Variants in RAD54B observed in about 807,000 individuals in gnomAD.
RAD54B encodes the protein RAD54 homolog B.
In RAD54B, 78 loss-of-function variants were observed where a neutral mutation model predicts 95.8. The observed-to-expected ratio is 0.81, with a 90% confidence interval of 0.68 to 0.98. RAD54B has a LOEUF of 0.98. Ranked by LOEUF, RAD54B falls within the 50% of genes least tolerant of loss-of-function variation. The pLI, the probability that RAD54B is intolerant of heterozygous loss-of-function variation, is 0.00. For synonymous variants in RAD54B, 328 were observed against 354.9 expected, an observed-to-expected ratio of 0.92 and a Z score of 0.85; for missense variants, 957 against 1,056.6, an observed-to-expected ratio of 0.91 and a Z score of 1.31.
At chr8:94,422,607 AAAAAAAAAAAATATATATATATAT>A (rs1217218812) in intron 3 of RAD54B, among the ~76,000 whole-genome samples, 8 of 98,334 alleles carry the variant, frequency 8.1e-5, no homozygotes, top group African/African-American at 4.4e-4. Context: ...AAAAAAAAAA[AAAAAAAAAAAATATATATATATAT>A]ATATATATAT....
At chr8:94,385,908 A>AT (rs1191499404) in intron 11 of RAD54B, among the ~76,000 whole-genome samples, 1 of 152,168 alleles carries the variant, frequency 6.6e-6, no homozygotes, top group Non-Finnish European at 1.5e-5. Flanking sequence ...TGAAGGAGTG[A>AT]TGAGAGATGA....
At chr8:94,399,143 G>A (rs1417044622) in intron 8 of RAD54B, among the ~76,000 whole-genome samples, 1 of 151,974 alleles carries the variant, frequency 6.6e-6, no homozygotes, top group African/African-American at 2.4e-5. Flanking sequence ...TGTCAGACTC[G>A]GGAACCAAGC....
At chr8:94,400,749 G>C (rs1048989880) in intron 6 of RAD54B, among the ~76,000 whole-genome samples, 1 of 152,208 alleles carries the variant, frequency 6.6e-6, no homozygotes, top group Middle Eastern at 3.4e-3. Flanking sequence ...TTTTATATCT[G>C]CATATGGATA....
intron 4 of RAD54B, among the ~76,000 whole-genome samples, chr8:94,408,560 T>C (rs1281182127): frequency 2.6e-5 from 4 of 152,174 alleles, no homozygotes; most frequent in African/African-American, 9.6e-5. Context: ...TTTCAAGTAG[T>C]TGAAAATTAC....
chr8:94,473,936 C>T (rs1314208416), intron 1 of RAD54B, among the ~76,000 whole-genome samples: 1 of 152,146 alleles, frequency 6.6e-6, no homozygotes, highest in Admixed American at 6.5e-5. Context: ...TCAGTAGAAA[C>T]TGTACAAGTA....
chr8:94,468,807 C>T (rs1023904412), intron 1 of RAD54B, among the ~76,000 whole-genome samples: 2 of 151,348 alleles, frequency 1.3e-5, no homozygotes, highest in Non-Finnish European at 2.9e-5. Context: ...CCAGCTTGGG[C>T]GACAGCGAGA....
intron 3 of RAD54B, chr8:94,430,605 G>T: frequency 1.7e-6 from 1 of 603,546 alleles, no homozygotes; most frequent in Non-Finnish European, 2.1e-6. Flanking sequence ...TGATGCTGCT[G>T]GTCAGGACCC....
intron 8 of RAD54B, among the ~76,000 whole-genome samples, chr8:94,394,992 G>C (rs1195308575): frequency 6.6e-6 from 1 of 152,070 alleles, no homozygotes. Flanking sequence ...CATTGAAAGA[G>C]TTGGGAAAAA....
chr8:94,435,617 A>G (rs1392168712), intron 3 of RAD54B, among the ~76,000 whole-genome samples: 2 of 152,148 alleles, frequency 1.3e-5, no homozygotes, highest in African/African-American at 2.4e-5. Context: ...CAGAGGTTAC[A>G]ATCTGAATTA....
chr8:94,454,968 C>A (rs1812748658), intron 3 of RAD54B, among the ~76,000 whole-genome samples: 1 of 152,146 alleles, frequency 6.6e-6, no homozygotes, highest in African/African-American at 2.4e-5. Context: ...CTTTAATCTT[C>A]CACTCTTCAC....
At chr8:94,380,012 A>T in intron 12 of RAD54B, 133 bp downstream of exon 12, 1 of 959,758 alleles carries the variant, frequency 1.0e-6, no homozygotes, top group Non-Finnish European at 1.5e-6. Flanking sequence ...GAAAGCACTT[A>T]GGAGAGTGCC....
At chr8:94,427,906 G>A (rs1263648292) in intron 3 of RAD54B, 22 of 932,916 alleles carry the variant, frequency 2.4e-5, no homozygotes, top group Non-Finnish European at 2.4e-5. Flanking sequence ...CATAAGTAAA[G>A]ATAGAACAGG....
At chr8:94,458,170 A>G (rs1812819320) in intron 3 of RAD54B, 98 bp downstream of exon 3, 19 of 1,194,350 alleles carry the variant, frequency 1.6e-5, no homozygotes, top group Non-Finnish European at 2.2e-5. Context: ...TACATCAACA[A>G]TTTTCTAATA....
At chr8:94,431,339 T>C in intron 3 of RAD54B, 1 of 981,666 alleles carries the variant, frequency 1.0e-6, no homozygotes, top group Non-Finnish European at 1.2e-6. Flanking sequence ...ATACCTTATC[T>C]ATTTTGCTGG....
chr8:94,464,153 T>G (rs1051684154), intron 2 of RAD54B, among the ~76,000 whole-genome samples: 6 of 152,248 alleles, frequency 3.9e-5, no homozygotes, highest in Admixed American at 3.3e-4. Flanking sequence ...TGTATTGTTA[T>G]GTGGTAAAAA....
intron 11 of RAD54B, among the ~76,000 whole-genome samples, 198 bp from the exon 12 acceptor site, chr8:94,380,604 C>T (rs542044009): frequency 3.3e-5 from 5 of 152,286 alleles, no homozygotes; most frequent in South Asian, 2.1e-4. Flanking sequence ...TAAGACAGTG[C>T]GGCAAAGACC....
rs1376598072 is a variant in RAD54B at position 94,391,674 on chromosome 8, G to A, written c.1744C>T (p.Leu582=). 6.2e-7 allele frequency: 1 copy of A among 1,613,938 alleles called. No homozygotes were observed. Among genetic ancestry groups the A allele is most frequent in the Non-Finnish European group, 8.5e-7 (1 of 1,179,982 alleles). The part of the protein sequence containing the change: ...LQGLLENSPH[L]ICIGALKKLC... ...TTTTTAAGAGCTCCTATACATATTAGATGGGGACTATTTTCCAACAACCCT... is the reference window on the plus strand; with the variant it reads ...TTTTTAAGAGCTCCTATACATATTAAATGGGGACTATTTTCCAACAACCCT... Residue 582 remains leucine (L), a synonymous_variant, in exon 10 of 15, where the codon CTA becomes TTA. Transcript: ENST00000336148.
At chr8:94,412,804 G>T (rs3019147) in intron 3 of RAD54B, among the ~76,000 whole-genome samples, 37,742 of 151,992 alleles carry the variant, frequency 0.25, 5,581 homozygotes, top group East Asian at 0.43. Context: ...TACAGATAAT[G>T]TAACTATTTA....
At chr8:94,432,696 T>A in intron 3 of RAD54B, 1 of 1,414,290 alleles carries the variant, frequency 7.1e-7, no homozygotes, top group Non-Finnish European at 9.3e-7. Context: ...GTAAATCAAA[T>A]GAAGAAAAAG....
Sources: gnomAD v4.1 joint callset for allele counts (sites outside exome capture counted in the v4.1 genomes callset) on GRCh38, gnomAD v4.1.1 for gene constraint, MANE v1.5 for transcripts, NCBI Gene and HGNC (gene_info 2026-07-23, HGNC 2026-07-21) for gene names.